Variants in CNBD1 observed in about 807,000 individuals in gnomAD.
The protein encoded by CNBD1 is cyclic nucleotide-binding domain-containing protein 1.
A neutral mutation model predicts 54.4 loss-of-function variants in CNBD1; 71 were observed. The ratio of observed to expected loss-of-function variants is 1.30; its 90% CI spans 1.08 to 1.59. The LOEUF (loss-of-function observed/expected upper bound fraction) is 1.59, where lower values mean the gene tolerates loss of function less well. CNBD1 is among the 40% of genes most tolerant of loss of function. The pLI, the probability that CNBD1 is intolerant of heterozygous loss-of-function variation, is 0.00. For missense variants in CNBD1, 659 were observed against 518.0 expected (o/e 1.27, Z -2.64); for synonymous variants, 182 against 170.7 (o/e 1.07, Z -0.51).
intron 4 of CNBD1, among the ~76,000 whole-genome samples, chr8:87,169,083 C>G (rs1360117096): frequency 6.6e-6 from 1 of 151,946 alleles, no homozygotes; most frequent in Non-Finnish European, 1.5e-5. Context: ...CATGTCCTCA[C>G]CAGCATTTCT....
intron 2 of CNBD1, among the ~76,000 whole-genome samples, chr8:87,388,387 A>T (rs1285745913): frequency 6.6e-6 from 1 of 152,144 alleles, no homozygotes; most frequent in Non-Finnish European, 1.5e-5. Context: ...GAGAAGAATC[A>T]AATAGACACA....
chr8:87,127,838 C>A (rs1812024320), intron 4 of CNBD1, among the ~76,000 whole-genome samples: 1 of 151,932 alleles, frequency 6.6e-6, no homozygotes, highest in Non-Finnish European at 1.5e-5. Flanking sequence ...CAGCAAAGGC[C>A]CCACCTTAAA....
intron 8 of CNBD1, among the ~76,000 whole-genome samples, chr8:87,315,218 G>T (rs971449448): frequency 1.3e-5 from 2 of 152,022 alleles, no homozygotes; most frequent in African/African-American, 4.8e-5. Context: ...TAGACAAATA[G>T]TGAATAGAGG....
chr8:86,936,742 C>CAA (rs35376017), intron 3 of CNBD1, among the ~76,000 whole-genome samples: 3,838 of 100,772 alleles, frequency 0.038, 226 homozygotes, highest in African/African-American at 0.13. Flanking sequence ...GACTCCATCT[C>CAA]AAAAAAAAAA....
intron 5 of CNBD1, among the ~76,000 whole-genome samples, chr8:87,235,211 G>A (rs1243667042): frequency 1.3e-5 from 2 of 152,144 alleles, no homozygotes; most frequent in African/African-American, 4.8e-5. Flanking sequence ...AACTTTCTCA[G>A]TATAGCAATG....
chr8:87,221,242 T>C (rs767299626), intron 5 of CNBD1, among the ~76,000 whole-genome samples: 11 of 152,174 alleles, frequency 7.2e-5, no homozygotes, highest in Admixed American at 2.0e-4. Flanking sequence ...ACTGTTTTTA[T>C]TCTAATTGAA....
intron 10 of CNBD1, among the ~76,000 whole-genome samples, chr8:87,378,739 T>A (rs1002926640): frequency 2.0e-5 from 3 of 151,216 alleles, no homozygotes; most frequent in Non-Finnish European, 4.4e-5. Flanking sequence ...GTAAATTACC[T>A]TGGGCAGTAT....
At chr8:86,959,824 A>T (rs1375230216) in intron 4 of CNBD1, among the ~76,000 whole-genome samples, 2 of 152,040 alleles carry the variant, frequency 1.3e-5, no homozygotes, top group South Asian at 4.1e-4. Context: ...GAAGTTTGTT[A>T]TTACTGATCA....
intron 4 of CNBD1, among the ~76,000 whole-genome samples, chr8:86,982,921 C>T (rs918891585): frequency 3.3e-5 from 5 of 152,096 alleles, no homozygotes; most frequent in African/African-American, 1.2e-4. Context: ...TTATCTTTCT[C>T]CACTTATTTA....
intron 3 of CNBD1, among the ~76,000 whole-genome samples, chr8:86,934,146 G>A (rs1461389269): frequency 6.6e-6 from 1 of 152,026 alleles, no homozygotes; most frequent in African/African-American, 2.4e-5. Flanking sequence ...TTCTGTCCCT[G>A]ACATATAACA....
intron 5 of CNBD1, among the ~76,000 whole-genome samples, chr8:87,231,224 AC>A (rs1563516974): frequency 6.6e-6 from 1 of 152,202 alleles, no homozygotes; most frequent in Non-Finnish European, 1.5e-5. Context: ...TTTTAAGTGA[AC>A]ATATATTACT....
chr8:86,923,269 G>T (rs1809305125), intron 3 of CNBD1, among the ~76,000 whole-genome samples: 1 of 152,158 alleles, frequency 6.6e-6, no homozygotes, highest in Admixed American at 6.5e-5. Flanking sequence ...TGAAGGTCTT[G>T]TCTGTGGCTA....
intron 8 of CNBD1, 109 bp from the exon 9 acceptor site, chr8:87,351,574 CTT>C: frequency 9.9e-7 from 1 of 1,014,132 alleles, no homozygotes; most frequent in East Asian, 3.3e-5. Context: ...TATTAAGAAA[CTT>C]ACTATTAATA....
chr8:87,344,320 T>C (rs1810126432), intron 8 of CNBD1, among the ~76,000 whole-genome samples: 1 of 152,012 alleles, frequency 6.6e-6, no homozygotes, highest in South Asian at 2.1e-4. Flanking sequence ...TCAAAAATAC[T>C]ATTACAAAAG....
chr8:87,069,143 G>A (rs756907333), intron 4 of CNBD1, among the ~76,000 whole-genome samples: 5 of 151,906 alleles, frequency 3.3e-5, no homozygotes, highest in Non-Finnish European at 7.4e-5. Flanking sequence ...AAACGTACCC[G>A]TTTATACATT....
intron 4 of CNBD1, among the ~76,000 whole-genome samples, chr8:87,192,729 ATTGTTCT>A (rs1813639284): frequency 1.3e-5 from 2 of 152,114 alleles, no homozygotes; most frequent in Admixed American, 6.6e-5. Context: ...TGGATTCCTA[ATTGTTCT>A]TTCAGGTATG....
At chr8:87,246,665 T>C (rs1807812503) in intron 6 of CNBD1, among the ~76,000 whole-genome samples, 2 of 152,230 alleles carry the variant, frequency 1.3e-5, no homozygotes, top group Non-Finnish European at 1.5e-5. Flanking sequence ...CCTTTTAGAA[T>C]GCTGAATTTC....
chr8:86,927,912 G>A (rs547538102), intron 3 of CNBD1, among the ~76,000 whole-genome samples: 9 of 152,094 alleles, frequency 5.9e-5, no homozygotes, highest in African/African-American at 2.2e-4. Context: ...GCTGATTTTG[G>A]GACTCCTGAG....
rs149178546 is a variant in CNBD1, at chr8:87,404,393, G to A, written c.214-24153G>A. Reference sequence around the variant, plus strand: ...AAAAGAAATGGTTATGTACACTTAAGTGGCAATATCCTGACCTTTTTGTTA... The same window carrying A: ...AAAAGAAATGGTTATGTACACTTAAATGGCAATATCCTGACCTTTTTGTTA... On this transcript the variant is annotated intron_variant, in intron 2 of 7. Coordinates refer to the CNBD1 transcript ENST00000521593. Among the ~76,000 whole-genome samples the A allele has an allele frequency of 2.2e-3, 333 of 152,174 alleles. 1 individual carries two copies. Among genetic ancestry groups the A allele is most frequent in the African/African-American group, 7.6e-3 (315 of 41,538 alleles).
Sources: allele counts gnomAD v4.1 joint callset (sites outside exome capture counted in the v4.1 genomes callset), GRCh38; gene constraint gnomAD v4.1.1; transcripts MANE v1.5; gene names NCBI Gene and HGNC (gene_info 2026-07-23, HGNC 2026-07-21).